Variants in CUEDC1 observed in about 807,000 individuals in gnomAD.
CUEDC1 encodes the protein CUE domain-containing protein 1.
In CUEDC1, 30 loss-of-function variants were observed where a neutral mutation model predicts 43.7. The ratio of observed to expected loss-of-function variants is 0.69; its 90% CI spans 0.51 to 0.93. CUEDC1 has a LOEUF of 0.93. CUEDC1 is among the 40% of genes least tolerant of loss of function. The pLI is 0.00. For synonymous variants in CUEDC1, 223 were observed against 223.6 expected (o/e 1.00, Z 0.02); for missense variants, 486 against 549.0 (o/e 0.89, Z 1.15).
At chr17:57,875,042 C>A (rs2074096628) in intron 3 of CUEDC1, among the ~76,000 whole-genome samples, 1 of 152,100 alleles carries the variant, frequency 6.6e-6, no homozygotes, top group Non-Finnish European at 1.5e-5. Flanking sequence ...CATCACAACC[C>A]GGGACTCCCA....
intron 2 of CUEDC1, among the ~76,000 whole-genome samples, chr17:57,881,273 G>T (rs2074200780): frequency 6.6e-6 from 1 of 152,222 alleles, no homozygotes; most frequent in Admixed American, 6.5e-5. Flanking sequence ...CTCCCGCCCT[G>T]GAATGCACTA....
chr17:57,900,178 A>AG (rs1013774441), intron 1 of CUEDC1, among the ~76,000 whole-genome samples: 1 of 152,216 alleles, frequency 6.6e-6, no homozygotes, highest in African/African-American at 2.4e-5. Context: ...AAGAGCTTTT[A>AG]GGGGTCCCAT....
chr17:57,868,358 G>C (rs894461042), intron 7 of CUEDC1, 115 bp from the exon 8 acceptor site: 106 of 862,840 alleles, frequency 1.2e-4, no homozygotes, highest in Middle Eastern at 8.5e-4. Context: ...AGGGAGCAGG[G>C]GGCAGGCAAG....
intron 1 of CUEDC1, among the ~76,000 whole-genome samples, chr17:57,925,483 T>A (rs892241837): frequency 6.6e-6 from 1 of 151,708 alleles, no homozygotes; most frequent in Non-Finnish European, 1.5e-5. Flanking sequence ...CAAAAGCCCA[T>A]TAGCCCTTAG....
chr17:57,925,619 C>A lies in CUEDC1; in HGVS notation c.-316+29606G>T, dbSNP rs145308020. ...TCCAGTGTCCCTGAGAGACCCCCAGCAGACGAAGATCCCTGCCAGTGCCGC... is the reference window on the plus strand; with the variant it reads ...TCCAGTGTCCCTGAGAGACCCCCAGAAGACGAAGATCCCTGCCAGTGCCGC... On this transcript the variant is annotated intron_variant, in intron 1 of 10. Coordinates refer to ENST00000577830, the MANE Select transcript of CUEDC1 (RefSeq NM_001271875.2). Among the ~76,000 whole-genome samples the A allele has an allele frequency of 1.2e-3, 186 of 152,276 alleles. 1 individual carries two copies. The highest frequency in any genetic ancestry group is 2.0e-3 in the Admixed American group (30 of 15,302).
chr17:57,945,654 A>C (rs1428665606), intron 1 of CUEDC1, among the ~76,000 whole-genome samples: 1 of 152,240 alleles, frequency 6.6e-6, no homozygotes, highest in Non-Finnish European at 1.5e-5. Context: ...GCTAACATTT[A>C]ATGAGGACTT....
intron 1 of CUEDC1, among the ~76,000 whole-genome samples, chr17:57,917,290 G>C (rs1179570696): frequency 6.6e-6 from 1 of 152,228 alleles, no homozygotes; most frequent in Non-Finnish European, 1.5e-5. Flanking sequence ...GACAACAAGA[G>C]GCCCAGCAGA....
At chr17:57,889,516 C>T (rs2074333406) in intron 1 of CUEDC1, among the ~76,000 whole-genome samples, 1 of 152,220 alleles carries the variant, frequency 6.6e-6, no homozygotes, top group African/African-American at 2.4e-5. Flanking sequence ...TTGTGGGGAC[C>T]ACAAAATGTA....
chr17:57,893,783 T>A (rs1390248834), intron 1 of CUEDC1, among the ~76,000 whole-genome samples: 3 of 152,190 alleles, frequency 2.0e-5, no homozygotes, highest in Non-Finnish European at 4.4e-5. Flanking sequence ...GGACCACTCA[T>A]CTCTTCTACA....
At chr17:57,873,476 T>C in intron 4 of CUEDC1, 115 bp downstream of exon 4, 1 of 1,245,222 alleles carries the variant, frequency 8.0e-7, no homozygotes, top group Non-Finnish European at 1.1e-6. Flanking sequence ...GCAACAGAAA[T>C]AGCTCAGCCT....
chr17:57,871,462 A>G, intron 5 of CUEDC1, 93 bp from the exon 6 acceptor site: 1 of 1,001,634 alleles, frequency 1.0e-6, no homozygotes. Flanking sequence ...CTAGAGGCTA[A>G]GTCCCCAGAA....
At chr17:57,868,950 G>A (rs759183216) in intron 7 of CUEDC1, among the ~76,000 whole-genome samples, 172 bp downstream of exon 7, 3 of 152,238 alleles carry the variant, frequency 2.0e-5, no homozygotes, top group Admixed American at 6.5e-5. Context: ...AGACTCAGCT[G>A]TAGAGGGAAG....
At chr17:57,951,310 T>A (rs2075004766) in intron 1 of CUEDC1, among the ~76,000 whole-genome samples, 1 of 152,194 alleles carries the variant, frequency 6.6e-6, no homozygotes, top group Admixed American at 6.5e-5. Context: ...ACTCTGGCAC[T>A]TACAAAGTCT....
chr17:57,866,418 G>A, intron 10 of CUEDC1, 56 bp downstream of exon 10: 1 of 1,547,840 alleles, frequency 6.5e-7, no homozygotes. Flanking sequence ...GGGGTGCATA[G>A]TGTGGGGGGC....
At chr17:57,917,230 C>A (rs1011053931) in intron 1 of CUEDC1, among the ~76,000 whole-genome samples, 2 of 122,818 alleles carry the variant, frequency 1.6e-5, no homozygotes, top group Non-Finnish European at 3.4e-5. Flanking sequence ...TCCCCCAGGG[C>A]AACAAGGCCA....
chr17:57,884,983 CACT>C (rs1328132906), intron 2 of CUEDC1, among the ~76,000 whole-genome samples: 1 of 152,228 alleles, frequency 6.6e-6, no homozygotes, highest in African/African-American at 2.4e-5. Context: ...TCTCGCACAC[CACT>C]GAGTGGGCGC....
intron 1 of CUEDC1, among the ~76,000 whole-genome samples, chr17:57,932,281 C>CAAAAAGAAAAAAAAAAA (rs2074812635): frequency 8.2e-6 from 1 of 121,946 alleles, no homozygotes; most frequent in African/African-American, 4.5e-5. Flanking sequence ...CACTGTGTCT[C>CAAAAAGAAAAAAAAAAA]AAAAAAAAAA....
At chr17:57,880,920 C>T (rs1568033564) in intron 2 of CUEDC1, among the ~76,000 whole-genome samples, 1 of 152,180 alleles carries the variant, frequency 6.6e-6, no homozygotes, top group South Asian at 2.1e-4. Flanking sequence ...CGCTCACTCC[C>T]CACAACTCTG....
chr17:57,927,105 G>A (rs2074754753), intron 1 of CUEDC1, among the ~76,000 whole-genome samples: 1 of 152,190 alleles, frequency 6.6e-6, no homozygotes, highest in Non-Finnish European at 1.5e-5. Context: ...CTCAGTGGGG[G>A]CCAATGTTTA....
Sources: allele counts gnomAD v4.1 joint callset (sites outside exome capture counted in the v4.1 genomes callset), GRCh38; gene constraint gnomAD v4.1.1; transcripts MANE v1.5; gene names NCBI Gene and HGNC (gene_info 2026-07-23, HGNC 2026-07-21).